POU6F2: variants seen among roughly 807,000 people sequenced by gnomAD.
The protein encoded by POU6F2 is POU domain, class 6, transcription factor 2.
Under a neutral mutation model 71.3 loss-of-function variants are expected in POU6F2, and 31 were observed. That is an observed-to-expected ratio of 0.43 (90% CI 0.33 to 0.59). The LOEUF (loss-of-function observed/expected upper bound fraction) is 0.59. Ranked by LOEUF, POU6F2 falls within the 20% of genes least tolerant of loss-of-function variation. POU6F2 has a pLI of 0.04. For missense variants in POU6F2, 783 were observed against 856.8 expected (o/e 0.91, Z 1.07); for synonymous variants, 347 against 355.7 (o/e 0.98, Z 0.27).
intron 1 of POU6F2, among the ~76,000 whole-genome samples, chr7:39,041,978 C>T (rs933059757): frequency 1.3e-5 from 2 of 151,960 alleles, no homozygotes; most frequent in Middle Eastern, 3.4e-3. Flanking sequence ...GATTTACAAA[C>T]GTTATGGTCA....
chr7:39,125,826 A>G (rs1792128800), intron 2 of POU6F2, among the ~76,000 whole-genome samples: 1 of 152,108 alleles, frequency 6.6e-6, no homozygotes, highest in South Asian at 2.1e-4. Flanking sequence ...TCCACCTTCC[A>G]TCCACAGGAG....
chr7:39,349,608 C>T (rs1786101031), intron 5 of POU6F2, among the ~76,000 whole-genome samples: 1 of 152,196 alleles, frequency 6.6e-6, no homozygotes, highest in Non-Finnish European at 1.5e-5. Context: ...CAGCTCACAT[C>T]AGCCTGAAAT....
At chr7:39,366,461 A>C (rs1439704482) in intron 5 of POU6F2, among the ~76,000 whole-genome samples, 1 of 152,192 alleles carries the variant, frequency 6.6e-6, no homozygotes, top group African/African-American at 2.4e-5. Context: ...AGGTGGGGTG[A>C]CAAGGACTTT....
chr7:39,227,970 A>G lies in POU6F2; in HGVS notation c.598+20350A>G, dbSNP rs543985998. Among the ~76,000 whole-genome samples the G allele has an allele frequency of 6.6e-5, 10 of 152,224 alleles. No homozygotes were observed. The South Asian group carries it at 2.1e-3, about 32-fold the overall frequency. On this transcript the variant is annotated intron_variant, in intron 4 of 9. Transcript: ENST00000518318. ...ACCCTTTGTGAAGTTGCTCTATTTT[A>G]GGTGAGGAAGGGAAGGAGAGAGGAC...
Position 39,325,761 on chromosome 7 carries a change from T to C in POU6F2, c.599-13881T>C, listed in dbSNP as rs1053839458. 4.6e-5 allele frequency among the ~76,000 whole-genome samples: 7 copies of C among 152,356 alleles called. No homozygotes were observed. The East Asian group carries it at 1.2e-3, about 25-fold the overall frequency. On this transcript the variant is annotated intron_variant, in intron 4 of 9. Coordinates refer to ENST00000518318, the MANE Select transcript of POU6F2 (RefSeq NM_001370959.1). ...AGTGCTGTGTTTAAACCAGGCACAG[T>C]AGCCATTGAATTGTCTGTAATATTT...
intron 4 of POU6F2, among the ~76,000 whole-genome samples, chr7:39,224,895 G>C (rs892899432): frequency 1.3e-5 from 2 of 152,180 alleles, no homozygotes; most frequent in African/African-American, 4.8e-5. Flanking sequence ...TGAAACCTGG[G>C]ACAGCCTTGT....
intron 4 of POU6F2, among the ~76,000 whole-genome samples, chr7:39,335,808 A>T (rs1785760047): frequency 6.6e-6 from 1 of 152,164 alleles, no homozygotes; most frequent in Admixed American, 6.5e-5. Context: ...CTTCCCCAGC[A>T]TTTCTCGAAG....
At chr7:39,210,732 G>C (rs749289331) in intron 4 of POU6F2, among the ~76,000 whole-genome samples, 14 of 152,076 alleles carry the variant, frequency 9.2e-5, no homozygotes, top group Non-Finnish European at 1.5e-4. Flanking sequence ...AGGATCTCAG[G>C]CTCTACCCGA....
At chr7:39,099,926 G>C (rs565934239) in intron 2 of POU6F2, among the ~76,000 whole-genome samples, 1 of 152,152 alleles carries the variant, frequency 6.6e-6, no homozygotes, top group Non-Finnish European at 1.5e-5. Context: ...TTTTCTCAAC[G>C]TAGCTTTCTC....
chr7:39,158,001 C>T (rs1419644834), intron 2 of POU6F2, among the ~76,000 whole-genome samples: 1 of 152,188 alleles, frequency 6.6e-6, no homozygotes, highest in African/African-American at 2.4e-5. Context: ...AGGCATGCTA[C>T]AGGCTGAAGA....
chr7:39,428,442 G>A (rs1040265067), intron 6 of POU6F2, among the ~76,000 whole-genome samples: 4 of 152,186 alleles, frequency 2.6e-5, no homozygotes, highest in African/African-American at 9.7e-5. Flanking sequence ...ATCACCACTG[G>A]TGGAGAATCG....
At chr7:39,142,522 TGCTTTTTGGGAACAAATAAAAATATTA>T (rs1467182206) in intron 2 of POU6F2, among the ~76,000 whole-genome samples, 3 of 152,218 alleles carry the variant, frequency 2.0e-5, no homozygotes, top group Non-Finnish European at 2.9e-5. Flanking sequence ...AGGTAAGAGC[TGCTTTTTGGGAACAAATAAAAATATTA>T]CCTAATAAAG....
chr7:39,087,066 CAA>C (rs141947774), intron 2 of POU6F2, among the ~76,000 whole-genome samples: 3,533 of 121,670 alleles, frequency 0.029, 115 homozygotes, highest in African/African-American at 0.09. Context: ...ACCTGAACTT[CAA>C]AAAAAAAAAA....
chr7:39,103,235 C>G (rs1791612194), intron 2 of POU6F2, among the ~76,000 whole-genome samples: 1 of 152,140 alleles, frequency 6.6e-6, no homozygotes, highest in African/African-American at 2.4e-5. Flanking sequence ...GAGAAGTGTT[C>G]TAAAAGAGAA....
intron 1 of POU6F2, among the ~76,000 whole-genome samples, chr7:39,016,159 ATAATAT>A (rs892226197): frequency 6.3e-4 from 68 of 107,692 alleles, no homozygotes; most frequent in Non-Finnish European, 1.2e-3. Flanking sequence ...ATATATAGAT[ATAATAT>A]TATGTATAGA....
intron 4 of POU6F2, among the ~76,000 whole-genome samples, chr7:39,220,344 T>C (rs989707533): frequency 3.3e-5 from 5 of 152,192 alleles, no homozygotes; most frequent in Admixed American, 6.5e-5. Flanking sequence ...TATATCAGTC[T>C]CTCTCTTTCT....
chr7:39,054,667 A>T (rs1359502718), intron 1 of POU6F2, among the ~76,000 whole-genome samples: 2 of 151,996 alleles, frequency 1.3e-5, no homozygotes, highest in African/African-American at 4.8e-5. Context: ...GGTTGCTTAA[A>T]CAGACACACA....
intron 4 of POU6F2, among the ~76,000 whole-genome samples, chr7:39,230,839 A>G (rs1001963755): frequency 6.6e-6 from 1 of 152,204 alleles, no homozygotes; most frequent in Non-Finnish European, 1.5e-5. Context: ...TAATTAGAAT[A>G]CAAGCCCCCC....
intron 2 of POU6F2, among the ~76,000 whole-genome samples, chr7:39,090,977 A>G (rs1475810425): frequency 6.6e-6 from 1 of 152,092 alleles, no homozygotes; most frequent in Non-Finnish European, 1.5e-5. Context: ...ATTTGGATAC[A>G]GTTCTTCCAT....
Sources: gnomAD v4.1 joint callset for allele counts (sites outside exome capture counted in the v4.1 genomes callset) on GRCh38, gnomAD v4.1.1 for gene constraint, MANE v1.5 for transcripts, NCBI Gene and HGNC (gene_info 2026-07-23, HGNC 2026-07-21) for gene names.